The following FOXK1 variants were observed in gnomAD, a reference collection of about 807,000 sequenced individuals.
FOXK1 encodes the protein forkhead box protein K1.
In FOXK1, 19 loss-of-function variants were observed where a neutral mutation model predicts 51.9. That is an observed-to-expected ratio of 0.37 (90% CI 0.26 to 0.54). The LOEUF (loss-of-function observed/expected upper bound fraction) is 0.54. FOXK1 is among the 20% of genes least tolerant of loss of function. FOXK1 has a pLI of 0.87. For missense variants in FOXK1, 870 were observed against 1,032.7 expected (o/e 0.84, Z 2.16); for synonymous variants, 537 against 482.6 (o/e 1.11, Z -1.48).
chr7:4,692,650 G>T (rs970232849), intron 1 of FOXK1, among the ~76,000 whole-genome samples: 1 of 152,172 alleles, frequency 6.6e-6, no homozygotes, highest in Non-Finnish European at 1.5e-5. Context: ...CTGACCTCAG[G>T]TGATCCGCCT....
chr7:4,704,006 A>G (rs1780051475), intron 1 of FOXK1, among the ~76,000 whole-genome samples: 1 of 152,200 alleles, frequency 6.6e-6, no homozygotes, highest in African/African-American at 2.4e-5. Context: ...GCTTAACAAA[A>G]TAACTTGGGA....
intron 2 of FOXK1, among the ~76,000 whole-genome samples, chr7:4,750,226 G>T (rs1461976303): frequency 6.6e-6 from 1 of 152,156 alleles, no homozygotes; most frequent in African/African-American, 2.4e-5. Flanking sequence ...ACGTCTGTGG[G>T]CTGTCACTGT....
In FOXK1 at chr7:4,761,093, G is replaced by A; in HGVS notation, c.1726G>A (p.Ala576Thr). The change falls in exon 8 of 9, where the codon GCC becomes ACC. Residue 576 changes from alanine to threonine, a missense_variant. Ala to Thr is a moderately conservative substitution (Grantham distance 58). Transcript: ENST00000328914. This position sits in a 1 kb window ranked among gnomAD's most constrained non-coding sequence, Gnocchi z 6.2. ...GGAGGAGAAACCCACCATTGCGTTT[G>A]CCACAATCCCCGCGGCTGGTGGAGT... ...GLEEKPTIAF[A>T]TIPAAGGVIQ... 1 of 1,613,042 alleles carries A rather than the reference G, an allele frequency of 6.2e-7. No homozygotes were observed. The highest frequency in any genetic ancestry group is 8.5e-7 in the Non-Finnish European group (1 of 1,179,898).
Position 4,703,024 on chromosome 7 carries a change from C to G in FOXK1, c.560+20156C>G, listed in dbSNP as rs1780039523. ...CTGTGTCTCCACCTAAAAGGCCGTC[C>G]TCAGCTCCCCCTGCCAGGTCCGGTT... On this transcript the variant is annotated intron_variant, in intron 1 of 8. Coordinates refer to ENST00000328914, the MANE Select transcript of FOXK1 (RefSeq NM_001037165.2). The surrounding 1 kb of genome is among the most constrained non-coding windows in gnomAD (Gnocchi z 5.6). Among the ~76,000 whole-genome samples the G allele has an allele frequency of 6.6e-6, 1 of 152,180 alleles. No homozygotes were observed. The highest frequency in any genetic ancestry group is 1.5e-5 in the Non-Finnish European group (1 of 68,036).
In FOXK1 at chr7:4,723,777, C is replaced by G. The variant is rs919681408; in HGVS notation, c.561-17061C>G. Among the ~76,000 whole-genome samples the G allele has an allele frequency of 1.3e-5, 2 of 152,068 alleles. No individual in the cohort carries two copies. The highest frequency in any genetic ancestry group is 4.8e-5 in the African/African-American group (2 of 41,400). ...CAACCTCCTGGGCTCAAGCAATCCT[C>G]CCGCCTCAGCCTCCCAAATAGCTGA... On this transcript the variant is annotated intron_variant, in intron 1 of 8. Transcript: ENST00000328914. This position sits in a 1 kb window ranked among gnomAD's most constrained non-coding sequence, Gnocchi z 4.7.
chr7:4,721,324 G>C (rs1223953493), intron 1 of FOXK1, among the ~76,000 whole-genome samples: 2 of 152,176 alleles, frequency 1.3e-5, no homozygotes, highest in African/African-American at 4.8e-5. Flanking sequence ...GCCTAGCCCT[G>C]TGTCGCTGCA....
chr7:4,717,527 C>T (rs1780252321), intron 1 of FOXK1, among the ~76,000 whole-genome samples: 3 of 149,938 alleles, frequency 2.0e-5, no homozygotes, highest in Non-Finnish European at 4.5e-5. Flanking sequence ...GGCTGGGAGG[C>T]ACGTGGCTGG....
rs911306172 is a variant in FOXK1, at chr7:4,749,977, C to T, written c.747-4482C>T. Reference sequence around the variant, plus strand: ...TGGTCCCAGTGGCACCTTCTAGGCCCGGCCCCTGGATGCGGTGGAGGCTGC... The same window carrying T: ...TGGTCCCAGTGGCACCTTCTAGGCCTGGCCCCTGGATGCGGTGGAGGCTGC... On this transcript the variant is annotated intron_variant, in intron 2 of 8. Transcript: ENST00000328914. The surrounding 1 kb of genome is among the most constrained non-coding windows in gnomAD (Gnocchi z 6.0). Among the ~76,000 whole-genome samples the T allele has an allele frequency of 3.9e-5, 6 of 152,228 alleles. No individual in the cohort carries two copies. Among genetic ancestry groups the T allele is most frequent in the African/African-American group, 4.8e-5 (2 of 41,462 alleles).
intron 1 of FOXK1, among the ~76,000 whole-genome samples, chr7:4,740,413 G>A (rs142385161): frequency 0.013 from 1,887 of 144,772 alleles, 51 homozygotes; most frequent in African/African-American, 0.046. Flanking sequence ...CTGGGCGACA[G>A]AGTGAGACTC....
chr7:4,702,417 G>A (rs1449986995), intron 1 of FOXK1, among the ~76,000 whole-genome samples: 2 of 151,944 alleles, frequency 1.3e-5, no homozygotes, highest in African/African-American at 2.4e-5. Flanking sequence ...ATCTTGGCTC[G>A]CTGCAACCTC....
chr7:4,715,895 A>G lies in FOXK1; in HGVS notation c.561-24943A>G, dbSNP rs1202688415. ...ACAGGATGGCCGTTGCTGAACTTCA[A>G]CATTGGCCACCAATATCTGCTGTCT... On this transcript the variant is annotated intron_variant, in intron 1 of 8. Coordinates refer to ENST00000328914, the MANE Select transcript of FOXK1 (RefSeq NM_001037165.2). This position sits in a 1 kb window ranked among gnomAD's most constrained non-coding sequence, Gnocchi z 4.5. 2.0e-5 allele frequency among the ~76,000 whole-genome samples: 3 copies of G among 152,222 alleles called. No individual in the cohort carries two copies. Among genetic ancestry groups the G allele is most frequent in the Admixed American group, 1.3e-4 (2 of 15,286 alleles).
chr7:4,752,115 G>C (rs975694637), intron 2 of FOXK1, among the ~76,000 whole-genome samples: 1 of 152,120 alleles, frequency 6.6e-6, no homozygotes, highest in Non-Finnish European at 1.5e-5. Flanking sequence ...ACCACGCCCA[G>C]CTAATTTTTA....
At chr7:4,757,634 C>CAAAAAAAAAAAAAAAA (rs59200954) in intron 5 of FOXK1, among the ~76,000 whole-genome samples, 3 of 20,194 alleles carry the variant, frequency 1.5e-4, no homozygotes, top group African/African-American at 1.8e-4. Context: ...AACTCCGTCT[C>CAAAAAAAAAAAAAAAA]AAAAAAAAAA....
At position 4,682,358 on chromosome 7, in the gene FOXK1, G is replaced by T. The variant is rs1779757132; in HGVS notation, c.50G>T (p.Arg17Leu). The change falls in exon 1 of 9, where the codon CGC (arginine) becomes CTC (leucine). Residue 17 changes from arginine to leucine, a missense_variant. Coordinates refer to ENST00000328914, the MANE Select transcript of FOXK1 (RefSeq NM_001037165.2). This position sits in a 1 kb window ranked among gnomAD's most constrained non-coding sequence, Gnocchi z 7.6. ...GGCGCCCGCGCCCTGCTCGCGCTGCGCTCGGCGCCCTGCAGCCCAGTGCTG... is the reference window on the plus strand; with the variant it reads ...GGCGCCCGCGCCCTGCTCGCGCTGCTCTCGGCGCCCTGCAGCCCAGTGCTG... ...DSGARALLAL[R>L]SAPCSPVLCA... The T allele has an allele frequency of 7.0e-6, 7 of 993,584 alleles. No homozygotes were observed. The highest frequency in any genetic ancestry group is 8.4e-6 in the Non-Finnish European group (7 of 837,238). The allele number at this position is 993,584 out of a possible 1,614,324, so 61.5% of individuals were successfully genotyped here.
In FOXK1 at chr7:4,711,527, C is replaced by T. The variant is rs182370845; in HGVS notation, c.560+28659C>T. 1.4e-3 allele frequency among the ~76,000 whole-genome samples: 217 copies of T among 152,294 alleles called. 12 individuals carry two copies. Among genetic ancestry groups the T allele is most frequent in the Middle Eastern group, 3.4e-3 (1 of 294 alleles). ...AGAGTGTGAAGAGGTGTGCCCCATC[C>T]CATGGCCACTGGAGAACTGGCAGAA... On this transcript the variant is annotated intron_variant, in intron 1 of 8. Transcript: ENST00000328914. This position sits in a 1 kb window ranked among gnomAD's most constrained non-coding sequence, Gnocchi z 6.3.
Position 4,759,111 on chromosome 7 carries a change from G to A in FOXK1, c.1305G>A (p.Gln435=), listed in dbSNP as rs1780894727. The part of the protein sequence containing the change: ...GLMSPRSGGL[Q]TPECLSREGS... ...TGTCCCCTCGCTCCGGCGGCCTGCA[G>A]ACCCCAGAGTGCCTGTCTCGGGAGG... The change falls in exon 6 of 9, where the codon CAG becomes CAA. Residue 435 remains glutamine, a synonymous_variant. Coordinates refer to ENST00000328914, the MANE Select transcript of FOXK1 (RefSeq NM_001037165.2). 2 of 1,611,858 alleles carry A rather than the reference G, an allele frequency of 1.2e-6. No individual in the cohort carries two copies. The highest frequency in any genetic ancestry group is 1.7e-6 in the Non-Finnish European group (2 of 1,179,864).
At chr7:4,687,165 C>T (rs1779830189) in intron 1 of FOXK1, among the ~76,000 whole-genome samples, 1 of 152,136 alleles carries the variant, frequency 6.6e-6, no homozygotes, top group African/African-American at 2.4e-5. Flanking sequence ...ATCTCCTGAC[C>T]TCATGATCCA....
rs1780146520 is a variant in FOXK1 at position 4,709,423 on chromosome 7, A to C, written c.560+26555A>C. The stretch of plus-strand genomic sequence containing the variant: ...AGGGCCAGGCTCTTCCCAAGCGCAC[A>C]GTCCACATAGGCTGCTTATCTGGAC... On this transcript the variant is annotated intron_variant, in intron 1 of 8. Transcript: ENST00000328914. This position sits in a 1 kb window ranked among gnomAD's most constrained non-coding sequence, Gnocchi z 5.6. 6.6e-6 allele frequency among the ~76,000 whole-genome samples: 1 copy of C among 152,320 alleles called. No individual in the cohort carries two copies. The highest frequency in any genetic ancestry group is 3.4e-3 in the Middle Eastern group (1 of 294).
rs966512913 is a variant in FOXK1 at position 4,771,214 on chromosome 7, A to C, written c.*8750A>C. The C allele has an allele frequency of 6.6e-6, 1 of 152,634 alleles. No individual in the cohort carries two copies. The highest frequency in any genetic ancestry group is 2.4e-5 in the African/African-American group (1 of 41,444). The allele number at this position is 152,634 out of a possible 1,614,324, so 9.5% of individuals were successfully genotyped here. On this transcript the variant is annotated 3_prime_UTR_variant, in exon 9 of 9. Coordinates refer to ENST00000328914, the MANE Select transcript of FOXK1 (RefSeq NM_001037165.2). ...AGTGGGATACAGTATTTTTTTAATA[A>C]GGAGCCATACTTTTTTTTAAGAGTT...
Sources: allele counts gnomAD v4.1 joint callset (sites outside exome capture counted in the v4.1 genomes callset), GRCh38; gene constraint gnomAD v4.1.1; non-coding constraint Gnocchi (gnomAD v3.1); transcripts MANE v1.5; gene names NCBI Gene and HGNC (gene_info 2026-07-23, HGNC 2026-07-21).